The following MKLN1 variants were observed in gnomAD, a reference collection of about 807,000 sequenced individuals.
MKLN1 encodes the protein muskelin.
A neutral mutation model predicts 99.0 loss-of-function variants in MKLN1; 18 were observed. The ratio of observed to expected loss-of-function variants is 0.18; its 90% CI spans 0.13 to 0.27. The LOEUF (loss-of-function observed/expected upper bound fraction) is 0.27, where lower values mean the gene tolerates loss of function less well. MKLN1 is among the 10% of genes least tolerant of loss of function. The pLI is 1.00. For missense variants in MKLN1, 621 were observed against 875.9 expected, an observed-to-expected ratio of 0.71 and a Z score of 3.67; for synonymous variants, 288 against 293.2, an observed-to-expected ratio of 0.98 and a Z score of 0.18.
chr7:131,293,797 C>A (rs1798254354), intron 3 of MKLN1, among the ~76,000 whole-genome samples: 1 of 152,244 alleles, frequency 6.6e-6, no homozygotes, highest in Non-Finnish European at 1.5e-5. Flanking sequence ...TAGAGTGAGA[C>A]CCTGTCTCTA....
upstream of MKLN1, chr7:131,327,777 GA>G: frequency 7.0e-7 from 1 of 1,436,294 alleles, no homozygotes. Flanking sequence ...CTCGGGTAAC[GA>G]TGCGGGGCGG....
chr7:131,145,913 A>T (rs1479951584), intron 2 of MKLN1, among the ~76,000 whole-genome samples: 2 of 152,256 alleles, frequency 1.3e-5, no homozygotes, highest in Non-Finnish European at 2.9e-5. Context: ...CATTTGTGAC[A>T]GAAGTTCAAA....
At chr7:131,179,655 A>T (rs566903523) in intron 2 of MKLN1, among the ~76,000 whole-genome samples, 26 of 147,990 alleles carry the variant, frequency 1.8e-4, no homozygotes, top group African/African-American at 5.8e-4. Context: ...GCTCACTGCA[A>T]CCTCCACCTC....
rs183888657 is a variant in MKLN1, at chr7:131,258,219, C to G, written c.-179+55245C>G. On this transcript the variant is annotated intron_variant, in intron 3 of 7. Transcript: ENST00000416992. ...AATCTTTTAACACTCAGTGACTGTA[C>G]TCACTGTAAATCTGGCCCTTTGCCT... Among the ~76,000 whole-genome samples the G allele has an allele frequency of 2.1e-4, 32 of 151,520 alleles. No homozygotes were observed. The East Asian group carries it at 3.1e-3, about 15-fold the overall frequency.
At chr7:131,405,733 T>C (rs1449497695) in intron 6 of MKLN1, among the ~76,000 whole-genome samples, 2 of 152,166 alleles carry the variant, frequency 1.3e-5, no homozygotes, top group South Asian at 2.1e-4. Flanking sequence ...GATTTACTAC[T>C]TGTTTTCTTT....
intron 3 of MKLN1, among the ~76,000 whole-genome samples, chr7:131,253,456 A>G (rs1797612272): frequency 6.6e-6 from 1 of 152,146 alleles, no homozygotes; most frequent in South Asian, 2.1e-4. Flanking sequence ...GCCCCTACCT[A>G]TAGGGCAGAA....
At chr7:131,365,606 A>C (rs1307975175) in intron 1 of MKLN1, among the ~76,000 whole-genome samples, 2 of 151,696 alleles carry the variant, frequency 1.3e-5, no homozygotes, top group Non-Finnish European at 2.9e-5. Flanking sequence ...ATCTATCTCG[A>C]GTTGATTTTT....
Position 131,466,311 on chromosome 7 carries a change from T to C in MKLN1, c.1824T>C (p.Ser608=). 1 of 1,604,828 alleles carries C rather than the reference T, an allele frequency of 6.2e-7. No homozygotes were observed. The highest frequency in any genetic ancestry group is 8.5e-7 in the Non-Finnish European group (1 of 1,174,206). Reference sequence around the variant, plus strand: ...TATTTGGTGGGAATCCAGGAAAATCTTGCTCTCCAAAGATGAGATTAGATG... The same window carrying C: ...TATTTGGTGGGAATCCAGGAAAATCCTGCTCTCCAAAGATGAGATTAGATG... ...HYLFGGNPGK[S]CSPKMRLDDF... is the part of the protein sequence containing the mutation. Residue 608 remains serine (S), a synonymous_variant, in exon 15 of 18, where the codon TCT becomes TCC. Transcript: ENST00000352689.
intron 1 of MKLN1, among the ~76,000 whole-genome samples, chr7:131,334,691 T>G (rs908236970): frequency 2.0e-5 from 3 of 152,228 alleles, no homozygotes; most frequent in Non-Finnish European, 2.9e-5. Context: ...TACAAAGACT[T>G]TGTGATGTTT....
Position 131,466,433 on chromosome 7 carries a change from T to A in MKLN1, c.1928+18T>A. On this transcript the variant is annotated intron_variant, in intron 15 of 17. Coordinates refer to ENST00000352689, the MANE Select transcript of MKLN1 (RefSeq NM_013255.5). ...AAACACAGGTATGAAAATAATTCAC[T>A]GAAAACATTTAATTAACATTATCAG... is the stretch of plus-strand genomic sequence containing the variant. The A allele has an allele frequency of 6.6e-7, 1 of 1,510,094 alleles. No homozygotes were observed. Among genetic ancestry groups the A allele is most frequent in the Middle Eastern group, 2.0e-4 (1 of 4,880 alleles). The allele number at this position is 1,510,094 out of a possible 1,614,324, so 93.5% of individuals were successfully genotyped here.
At chr7:131,164,578 TTTTA>T (rs1796097399) in intron 2 of MKLN1, among the ~76,000 whole-genome samples, 1 of 152,226 alleles carries the variant, frequency 6.6e-6, no homozygotes, top group Non-Finnish European at 1.5e-5. Flanking sequence ...TTTGTTTCTA[TTTTA>T]TTTTTTATTC....
At chr7:131,287,358 C>G (rs1440691893) in intron 3 of MKLN1, among the ~76,000 whole-genome samples, 1 of 152,244 alleles carries the variant, frequency 6.6e-6, no homozygotes, top group African/African-American at 2.4e-5. Context: ...GTTGGCAAGG[C>G]CACACTCCTG....
chr7:131,147,504 T>C (rs1263874154), intron 2 of MKLN1, among the ~76,000 whole-genome samples: 1 of 152,166 alleles, frequency 6.6e-6, no homozygotes, highest in Non-Finnish European at 1.5e-5. Flanking sequence ...CAGGGTCATA[T>C]AGCTAGTAAT....
intron 7 of MKLN1, among the ~76,000 whole-genome samples, chr7:131,411,906 C>CGAAAAAA (rs1794888729): frequency 1.9e-5 from 1 of 53,092 alleles, no homozygotes; most frequent in Non-Finnish European, 3.5e-5. Flanking sequence ...GATTCCATCT[C>CGAAAAAA]AAAAAAAAAA....
intron 1 of MKLN1, among the ~76,000 whole-genome samples, chr7:131,342,307 T>C (rs1799431826): frequency 6.6e-6 from 1 of 152,220 alleles, no homozygotes; most frequent in South Asian, 2.1e-4. Context: ...ACAGTTTAGC[T>C]AGTCCTTTAT....
chr7:131,167,960 C>T (rs2116327596), intron 2 of MKLN1, among the ~76,000 whole-genome samples: 1 of 152,264 alleles, frequency 6.6e-6, no homozygotes, highest in South Asian at 2.1e-4. Flanking sequence ...TTTAAATATA[C>T]ACCTGAAAAA....
Position 131,179,077 on chromosome 7 carries a change from C to T in MKLN1, c.-296-23780C>T, listed in dbSNP as rs556027731. 1.1e-4 allele frequency among the ~76,000 whole-genome samples: 16 copies of T among 152,200 alleles called. No homozygotes were observed. In the East Asian group the frequency reaches 2.9e-3, roughly 28 times the overall value. ...CTTGCTTCTCTTATATAAATAAATACCTTTCTTGACTGAATAAGCATATTC... is the reference window on the plus strand; with the variant it reads ...CTTGCTTCTCTTATATAAATAAATATCTTTCTTGACTGAATAAGCATATTC... On this transcript the variant is annotated intron_variant, in intron 2 of 7. Transcript: ENST00000416992.
chr7:131,226,478 T>A (rs1797149345), intron 3 of MKLN1, among the ~76,000 whole-genome samples: 1 of 152,162 alleles, frequency 6.6e-6, no homozygotes. Context: ...TCCTTTTAAC[T>A]CAATTAAGCC....
chr7:131,190,243 G>A (rs1228593845), intron 2 of MKLN1, among the ~76,000 whole-genome samples: 1 of 152,138 alleles, frequency 6.6e-6, no homozygotes, highest in Non-Finnish European at 1.5e-5. Context: ...GGAGCAGGGG[G>A]ATGTCACCTC....
Sources: gnomAD v4.1 joint callset for allele counts (sites outside exome capture counted in the v4.1 genomes callset) on GRCh38, gnomAD v4.1.1 for gene constraint, MANE v1.5 for transcripts, NCBI Gene and HGNC (gene_info 2026-07-23, HGNC 2026-07-21) for gene names.